The following PARD3B variants were observed in gnomAD, a reference collection of about 807,000 sequenced individuals.
PARD3B encodes the protein partitioning defective 3 homolog B.
In PARD3B, 103 loss-of-function variants were observed where a neutral mutation model predicts 130.2. The observed-to-expected ratio is 0.79, with a 90% CI of 0.67 to 0.93. The LOEUF (loss-of-function observed/expected upper bound fraction) is 0.93. Among genes scored for constraint, PARD3B ranks in the 40% least tolerant of loss-of-function variants. PARD3B has a pLI of 0.00. For missense variants in PARD3B, 1,609 were observed against 1,499.2 expected, an observed-to-expected ratio of 1.07 and a Z score of -1.21; for synonymous variants, 583 against 553.2, an observed-to-expected ratio of 1.05 and a Z score of -0.76.
At chr2:205,499,851 A>G in intron 20 of PARD3B, 45 bp from the exon 21 acceptor site, 1 of 1,533,102 alleles carries the variant, frequency 6.5e-7, no homozygotes, top group Non-Finnish European at 8.8e-7. Context: ...GATTTCAAAG[A>G]TGATGTACAC....
chr2:205,493,953 G>A (rs948673928), intron 20 of PARD3B, among the ~76,000 whole-genome samples: 21 of 151,818 alleles, frequency 1.4e-4, no homozygotes, highest in Non-Finnish European at 1.2e-4. Flanking sequence ...TAGAGATGGG[G>A]TTTCACCATG....
intron 2 of PARD3B, among the ~76,000 whole-genome samples, chr2:204,686,637 G>C (rs889901852): frequency 6.6e-6 from 1 of 152,148 alleles, no homozygotes. Flanking sequence ...TGCCTGAGGC[G>C]TGAATGTGTT....
rs1247868059 is a variant in PARD3B, at chr2:205,021,610, C to CTG, written c.395-25970_395-25969insGT. On this transcript the variant is annotated intron_variant, in intron 3 of 22. Coordinates refer to ENST00000406610, the MANE Select transcript of PARD3B (RefSeq NM_001302769.2). The surrounding 1 kb of genome is among the most constrained non-coding windows in gnomAD (Gnocchi z 4.5). ...TCTCTTCTCTTCTCTCTCTCTCTCT[C>CTG]TCTCTCTCTCCCTCTCTCTTTCTCT... Among the ~76,000 whole-genome samples, 37 of 147,142 alleles carry CTG rather than the reference C, an allele frequency of 2.5e-4. No individual in the cohort carries two copies. The highest frequency in any genetic ancestry group is 7.4e-4 in the Admixed American group (11 of 14,894).
chr2:205,386,720 C>T (rs562149970), intron 18 of PARD3B, among the ~76,000 whole-genome samples: 19 of 148,414 alleles, frequency 1.3e-4, no homozygotes, highest in African/African-American at 4.7e-4. Context: ...GTACAAACAA[C>T]TGGGGCACCG....
intron 2 of PARD3B, among the ~76,000 whole-genome samples, chr2:204,875,953 C>G (rs2045825597): frequency 6.6e-6 from 1 of 152,206 alleles, no homozygotes; most frequent in Admixed American, 6.5e-5. Context: ...GTCAAAGCCT[C>G]TTTGCAGGGT....
rs995916346 is a variant in PARD3B at position 205,183,195 on chromosome 2, C to T, written c.1925-2569C>T. Among the ~76,000 whole-genome samples, 3 of 152,118 alleles carry T rather than the reference C, an allele frequency of 2.0e-5. No homozygotes were observed. The highest frequency in any genetic ancestry group is 2.9e-5 in the Non-Finnish European group (2 of 68,034). On this transcript the variant is annotated intron_variant, in intron 13 of 22. Coordinates refer to ENST00000406610, the MANE Select transcript of PARD3B (RefSeq NM_001302769.2). This position sits in a 1 kb window ranked among gnomAD's most constrained non-coding sequence, Gnocchi z 5.2. ...AAGCAAAGATACTGAGGCAGGAACACCCAGGGGTGTTGGCAGGGAATGGTA... is the reference window on the plus strand; with the variant it reads ...AAGCAAAGATACTGAGGCAGGAACATCCAGGGGTGTTGGCAGGGAATGGTA...
At chr2:205,597,206 G>A (rs977653729) in intron 22 of PARD3B, among the ~76,000 whole-genome samples, 1 of 152,040 alleles carries the variant, frequency 6.6e-6, no homozygotes, top group Admixed American at 6.6e-5. Flanking sequence ...AGTCCCCAGA[G>A]CCTATTGTTC....
intron 15 of PARD3B, among the ~76,000 whole-genome samples, chr2:205,201,609 G>A (rs374521591): frequency 1.3e-5 from 2 of 152,156 alleles, no homozygotes; most frequent in African/African-American, 2.4e-5. Context: ...GGGCCAAGGC[G>A]GGCAGATCAC....
chr2:204,934,280 T>A (rs1036774090), intron 2 of PARD3B, among the ~76,000 whole-genome samples: 1 of 152,230 alleles, frequency 6.6e-6, no homozygotes, highest in African/African-American at 2.4e-5. Flanking sequence ...TTTAAAAATA[T>A]GTTTAATGCA....
intron 18 of PARD3B, among the ~76,000 whole-genome samples, chr2:205,390,786 CA>C: frequency 6.6e-6 from 1 of 152,148 alleles, no homozygotes; most frequent in East Asian, 1.9e-4. Context: ...AGGCAGACAC[CA>C]TCATCTGTTC....
At chr2:204,672,994 C>CATG (rs2036378127) in intron 1 of PARD3B, among the ~76,000 whole-genome samples, 1 of 152,120 alleles carries the variant, frequency 6.6e-6, no homozygotes, top group East Asian at 1.9e-4. Flanking sequence ...TATATGTATG[C>CATG]CCGTGTATGT....
At chr2:205,343,979 G>A (rs2043646791) in intron 18 of PARD3B, among the ~76,000 whole-genome samples, 3 of 152,216 alleles carry the variant, frequency 2.0e-5, no homozygotes, top group South Asian at 4.2e-4. Context: ...TCTTTTAAGT[G>A]GGGGAAGAGT....
At chr2:205,055,119 A>G (rs1351690386) in intron 4 of PARD3B, among the ~76,000 whole-genome samples, 1 of 152,214 alleles carries the variant, frequency 6.6e-6, no homozygotes, top group Non-Finnish European at 1.5e-5. Flanking sequence ...CGTTATCACA[A>G]ATATATGACT....
chr2:204,700,924 T>G (rs907087986), intron 2 of PARD3B, among the ~76,000 whole-genome samples: 13 of 152,036 alleles, frequency 8.6e-5, no homozygotes, highest in Non-Finnish European at 1.5e-4. Context: ...TGTCAAAAAA[T>G]TTTAAATATG....
intron 4 of PARD3B, among the ~76,000 whole-genome samples, chr2:205,082,149 C>T (rs1001826242): frequency 2.0e-5 from 3 of 152,076 alleles, no homozygotes; most frequent in Non-Finnish European, 4.4e-5. Context: ...CATATATTGG[C>T]ATAAATAATA....
At chr2:205,320,778 T>C (rs540227962) in intron 18 of PARD3B, among the ~76,000 whole-genome samples, 1 of 152,362 alleles carries the variant, frequency 6.6e-6, no homozygotes, top group African/African-American at 2.4e-5. Context: ...ATTTAAGCTG[T>C]TGCTTTAAAA....
At chr2:204,718,347 A>G (rs2038833725) in intron 2 of PARD3B, among the ~76,000 whole-genome samples, 2 of 152,136 alleles carry the variant, frequency 1.3e-5, no homozygotes, top group African/African-American at 4.8e-5. Flanking sequence ...ATTCACTCAC[A>G]GTTCTGCATG....
At chr2:205,013,358 TG>T (rs1695875019) in intron 3 of PARD3B, among the ~76,000 whole-genome samples, 1 of 152,144 alleles carries the variant, frequency 6.6e-6, no homozygotes, top group South Asian at 2.1e-4. Context: ...TGTTTAAAAT[TG>T]TTTTTTTTCC....
chr2:205,034,809 C>T (rs1408295396), intron 3 of PARD3B, among the ~76,000 whole-genome samples: 1 of 151,716 alleles, frequency 6.6e-6, no homozygotes, highest in Admixed American at 6.6e-5. Context: ...GAAAATATCT[C>T]GATATTATAC....
Sources: allele counts gnomAD v4.1 joint callset (sites outside exome capture counted in the v4.1 genomes callset), GRCh38; gene constraint gnomAD v4.1.1; non-coding constraint Gnocchi (gnomAD v3.1); transcripts MANE v1.5; gene names NCBI Gene and HGNC (gene_info 2026-07-23, HGNC 2026-07-21).